Variants in PACRG observed in about 807,000 individuals in gnomAD.
PACRG encodes the protein parkin coregulated.
Under a neutral mutation model 29.7 loss-of-function variants are expected in PACRG, and 29 were observed. The ratio of observed to expected loss-of-function variants is 0.98; its 90% CI spans 0.73 to 1.33. The LOEUF (loss-of-function observed/expected upper bound fraction) is 1.33, where lower values mean the gene tolerates loss of function less well. Among genes scored for constraint, PACRG ranks in the 40% most tolerant of loss-of-function variants. The pLI is 0.00. For missense variants in PACRG, 279 were observed against 316.2 expected (o/e 0.88, Z 0.89); for synonymous variants, 116 against 118.7 (o/e 0.98, Z 0.15).
chr6:162,834,623 A>G (rs1340947010), intron 2 of PACRG, among the ~76,000 whole-genome samples: 1 of 151,658 alleles, frequency 6.6e-6, no homozygotes, highest in African/African-American at 2.4e-5. Flanking sequence ...TGATAATTGC[A>G]AAGGGTATCT....
At chr6:163,061,243 C>T (rs912727795) in intron 2 of PACRG, among the ~76,000 whole-genome samples, 8 of 152,132 alleles carry the variant, frequency 5.3e-5, no homozygotes, top group Non-Finnish European at 1.2e-4. Flanking sequence ...TTTCCATGTA[C>T]ACTCTCACCT....
At chr6:162,916,919 C>G (rs775540731) in intron 2 of PACRG, among the ~76,000 whole-genome samples, 1 of 152,106 alleles carries the variant, frequency 6.6e-6, no homozygotes, top group Non-Finnish European at 1.5e-5. Flanking sequence ...GTGTGGCACT[C>G]CCAGCCAAAC....
intron 4 of PACRG, among the ~76,000 whole-genome samples, chr6:163,232,879 C>T (rs754082540): frequency 1.3e-5 from 2 of 152,150 alleles, no homozygotes; most frequent in African/African-American, 4.8e-5. Context: ...CTCCACCCCT[C>T]CTCCAGGAGC....
At chr6:163,302,229 C>G (rs1008772238) in intron 4 of PACRG, among the ~76,000 whole-genome samples, 14 of 151,678 alleles carry the variant, frequency 9.2e-5, no homozygotes, top group South Asian at 6.3e-4. Context: ...TGTTCTCTCT[C>G]TCTCTCTTTT....
chr6:162,889,914 G>A (rs1794633093), intron 2 of PACRG, among the ~76,000 whole-genome samples: 1 of 152,238 alleles, frequency 6.6e-6, no homozygotes, highest in Non-Finnish European at 1.5e-5. Context: ...GTAAGTTACT[G>A]CATGCTGCAA....
At chr6:162,896,356 C>T (rs1795161928) in intron 2 of PACRG, among the ~76,000 whole-genome samples, 1 of 152,172 alleles carries the variant, frequency 6.6e-6, no homozygotes, top group Non-Finnish European at 1.5e-5. Context: ...TAGAATGACA[C>T]ATTTTGTGGT....
intron 2 of PACRG, among the ~76,000 whole-genome samples, chr6:162,937,660 A>G (rs1798329486): frequency 6.6e-6 from 1 of 152,156 alleles, no homozygotes; most frequent in African/African-American, 2.4e-5. Context: ...CCTAGGTTAC[A>G]AATTAGCCAG....
At chr6:162,958,876 T>G (rs370246291) in intron 2 of PACRG, among the ~76,000 whole-genome samples, 6 of 30,058 alleles carry the variant, frequency 2.0e-4, no homozygotes, top group South Asian at 1.7e-3. Context: ...TATATATATA[T>G]ATATATATAG....
At chr6:163,159,555 A>G (rs1194223457) in intron 4 of PACRG, among the ~76,000 whole-genome samples, 1 of 151,992 alleles carries the variant, frequency 6.6e-6, no homozygotes, top group African/African-American at 2.4e-5. Flanking sequence ...TTCTGTACTC[A>G]CTAATTTTTT....
At chr6:162,789,364 A>G (rs1395509938) in intron 1 of PACRG, among the ~76,000 whole-genome samples, 1 of 152,178 alleles carries the variant, frequency 6.6e-6, no homozygotes, top group Non-Finnish European at 1.5e-5. Flanking sequence ...TTGTTGAAAT[A>G]TATAAATTTC....
intron 2 of PACRG, among the ~76,000 whole-genome samples, chr6:162,973,707 A>AC (rs1286778210): frequency 6.6e-6 from 1 of 152,206 alleles, no homozygotes; most frequent in African/African-American, 2.4e-5. Flanking sequence ...AGAACTAAAA[A>AC]AGTGCTAGAA....
intron 2 of PACRG, among the ~76,000 whole-genome samples, chr6:163,036,499 G>A (rs1433790141): frequency 6.6e-6 from 1 of 152,178 alleles, no homozygotes; most frequent in Non-Finnish European, 1.5e-5. Context: ...GAAATCAAAG[G>A]CCCCTTTCAG....
At chr6:163,022,670 A>G (rs998123503) in intron 2 of PACRG, among the ~76,000 whole-genome samples, 2 of 152,252 alleles carry the variant, frequency 1.3e-5, no homozygotes, top group Non-Finnish European at 2.9e-5. Context: ...AATTAACTGT[A>G]GCACTGAACC....
At chr6:162,848,137 C>T (rs920822735) in intron 2 of PACRG, among the ~76,000 whole-genome samples, 7 of 152,144 alleles carry the variant, frequency 4.6e-5, no homozygotes, top group African/African-American at 1.4e-4. Context: ...GAGGACAGAA[C>T]GCAGGAGGCA....
intron 4 of PACRG, among the ~76,000 whole-genome samples, chr6:163,152,380 A>G (rs868752432): frequency 6.6e-6 from 1 of 152,208 alleles, no homozygotes; most frequent in African/African-American, 2.4e-5. Flanking sequence ...TACACCTTGA[A>G]CTGATCATTT....
chr6:163,202,919 A>G (rs1228659863), intron 4 of PACRG, among the ~76,000 whole-genome samples: 2 of 152,094 alleles, frequency 1.3e-5, no homozygotes, highest in African/African-American at 4.8e-5. Flanking sequence ...TTTCATCTCT[A>G]GTCTGATTGA....
Position 162,894,140 on chromosome 6 carries a change from C to T in PACRG, c.291+79859C>T, listed in dbSNP as rs116690303. On this transcript the variant is annotated intron_variant, in intron 2 of 4. Coordinates refer to ENST00000366888, the MANE Select transcript of PACRG (RefSeq NM_001080379.2). The stretch of plus-strand genomic sequence containing the variant: ...GACCTGGAGTGGGACACACGTCCTT[C>T]CCATGACTAAAACTGCTGATGAATA... Among the ~76,000 whole-genome samples, 490 of 152,244 alleles carry T rather than the reference C, an allele frequency of 3.2e-3. 2 individuals are homozygous for T. Among genetic ancestry groups the T allele is most frequent in the African/African-American group, 0.011 (465 of 41,538 alleles).
In PACRG at chr6:162,913,056, A is replaced by G. The variant is rs145219934; in HGVS notation, c.291+98775A>G. 1.9e-3 allele frequency among the ~76,000 whole-genome samples: 292 copies of G among 152,354 alleles called. 7 individuals carry two copies. Among genetic ancestry groups the G allele is most frequent in the East Asian group, 8.9e-3 (46 of 5,194 alleles). ...TGGCAAAATATCAACATTTATGCCTATTGTTCCAATGTAAGCCTTTAGGCT... is the reference window on the plus strand; with the variant it reads ...TGGCAAAATATCAACATTTATGCCTGTTGTTCCAATGTAAGCCTTTAGGCT... On this transcript the variant is annotated intron_variant, in intron 2 of 4. Transcript: ENST00000366888.
chr6:163,103,973 G>A (rs951052689), intron 4 of PACRG, among the ~76,000 whole-genome samples: 2 of 152,212 alleles, frequency 1.3e-5, no homozygotes, highest in South Asian at 2.1e-4. Flanking sequence ...CTCTGGAAGT[G>A]TAAATTGGAT....
Sources: gnomAD v4.1 joint callset for allele counts (sites outside exome capture counted in the v4.1 genomes callset) on GRCh38, gnomAD v4.1.1 for gene constraint, MANE v1.5 for transcripts, NCBI Gene and HGNC (gene_info 2026-07-23, HGNC 2026-07-21) for gene names.